Variants in KLHL1 observed in about 807,000 individuals in gnomAD.
KLHL1 encodes the protein kelch-like protein 1.
In KLHL1, 47 loss-of-function variants were observed where a neutral mutation model predicts 77.7. The ratio of observed to expected loss-of-function variants is 0.60; its 90% confidence interval spans 0.48 to 0.77. The LOEUF (loss-of-function observed/expected upper bound fraction) is 0.77, where lower values mean the gene tolerates loss of function less well. KLHL1 is among the 30% of genes least tolerant of loss of function. The pLI, the probability that KLHL1 is intolerant of heterozygous loss-of-function variation, is 0.00. For synonymous variants in KLHL1, 360 were observed against 325.2 expected (o/e 1.11, Z -1.15); for missense variants, 925 against 910.8 (o/e 1.02, Z -0.20).
chr13:69,833,854 TATAC>T lies in KLHL1; in HGVS notation c.1414+5118_1414+5121del, dbSNP rs763446244. Among the ~76,000 whole-genome samples the T allele has an allele frequency of 8.7e-3, 1,241 of 142,402 alleles. 17 individuals carry two copies. Among genetic ancestry groups the T allele is most frequent in the African/African-American group, 0.023 (813 of 35,736 alleles). 93.4% of individuals were successfully genotyped at this position (142,402 alleles called of 152,430 possible). A position where few individuals can be genotyped will look rare whatever the true frequency, so the allele number is the denominator to read the frequency against. On this transcript the variant is annotated intron_variant, in intron 6 of 10. Transcript: ENST00000377844. ...ATACATATATATATACACACACATA[TATAC>T]ACACACACACACACACACACATATG... is the stretch of plus-strand genomic sequence containing the variant.
intron 2 of KLHL1, among the ~76,000 whole-genome samples, chr13:69,964,803 A>G (rs1884165801): frequency 6.6e-6 from 1 of 152,072 alleles, no homozygotes; most frequent in Non-Finnish European, 1.5e-5. Flanking sequence ...TGAATTATTT[A>G]TGATAGTTAC....
rs146420977 is a variant in KLHL1 at position 70,016,364 on chromosome 13, C to A, written c.498-40562G>T. Among the ~76,000 whole-genome samples, 79 of 152,346 alleles carry A rather than the reference C, an allele frequency of 5.2e-4. 2 individuals carry two copies. The East Asian group carries it at 0.013, about 24-fold the overall frequency. On this transcript the variant is annotated intron_variant, in intron 1 of 10. Coordinates refer to ENST00000377844, the MANE Select transcript of KLHL1 (RefSeq NM_020866.3). ...CCAGGGACATCTGCAGCAGCCCAGC[C>A]CAGACTCTGGACCAGGACGAGGGAA...
At chr13:69,926,081 A>G (rs959440527) in intron 4 of KLHL1, among the ~76,000 whole-genome samples, 5 of 152,226 alleles carry the variant, frequency 3.3e-5, no homozygotes, top group Non-Finnish European at 5.9e-5. Context: ...CTATAGTTGT[A>G]AATATTATCC....
chr13:69,785,282 G>C (rs369955860), intron 7 of KLHL1, among the ~76,000 whole-genome samples: 2 of 152,100 alleles, frequency 1.3e-5, no homozygotes, highest in African/African-American at 4.8e-5. Context: ...AAATGTAAAA[G>C]AATAGAAATT....
chr13:70,053,900 C>A (rs866152558), intron 1 of KLHL1, among the ~76,000 whole-genome samples: 1 of 152,086 alleles, frequency 6.6e-6, no homozygotes, highest in African/African-American at 2.4e-5. Flanking sequence ...AATGCGTCTA[C>A]CTACTTTCTT....
At chr13:69,806,962 C>T (rs1473668655) in intron 6 of KLHL1, among the ~76,000 whole-genome samples, 1 of 152,172 alleles carries the variant, frequency 6.6e-6, no homozygotes, top group African/African-American at 2.4e-5. Context: ...ACCATACACT[C>T]CACAGCTTCT....
At chr13:69,763,963 C>T (rs967718542) in intron 7 of KLHL1, among the ~76,000 whole-genome samples, 1 of 152,064 alleles carries the variant, frequency 6.6e-6, no homozygotes, top group Non-Finnish European at 1.5e-5. Context: ...TTCCTGTTTC[C>T]ACCTTACAAA....
At chr13:69,912,577 T>A (rs1283064347) in intron 4 of KLHL1, among the ~76,000 whole-genome samples, 1 of 152,132 alleles carries the variant, frequency 6.6e-6, no homozygotes, top group Non-Finnish European at 1.5e-5. Flanking sequence ...ATTAAAAGAT[T>A]CCTGACTGAT....
chr13:70,034,326 A>G (rs1180245111), intron 1 of KLHL1, among the ~76,000 whole-genome samples: 4 of 152,234 alleles, frequency 2.6e-5, no homozygotes, highest in Non-Finnish European at 5.9e-5. Context: ...TTGAAAAATA[A>G]AAACACAGAA....
At chr13:69,725,105 A>G (rs2137904226) in intron 8 of KLHL1, among the ~76,000 whole-genome samples, 1 of 152,270 alleles carries the variant, frequency 6.6e-6, no homozygotes. Flanking sequence ...TTTGCCCTGA[A>G]GGGAGACATT....
chr13:70,016,063 T>A (rs2137345195), intron 1 of KLHL1, among the ~76,000 whole-genome samples: 1 of 152,344 alleles, frequency 6.6e-6, no homozygotes, highest in Non-Finnish European at 1.5e-5. Flanking sequence ...ATTTCAGAAC[T>A]CAAACACATT....
Position 70,075,477 on chromosome 13 carries a change from A to G in KLHL1, c.497+31726T>C, listed in dbSNP as rs531375966. ...CTTTTTGTTAAAACTTATTTGCTCA[A>G]AAACAACTGAAGCAAATAACAATTA... On this transcript the variant is annotated intron_variant, in intron 1 of 10. Transcript: ENST00000377844. Among the ~76,000 whole-genome samples the G allele has an allele frequency of 3.4e-5, 5 of 149,142 alleles. No individual in the cohort carries two copies. In the East Asian group the frequency reaches 9.7e-4, roughly 29 times the overall value.
At chr13:69,920,905 A>C (rs1566403408) in intron 4 of KLHL1, among the ~76,000 whole-genome samples, 1 of 152,190 alleles carries the variant, frequency 6.6e-6, no homozygotes, top group Non-Finnish European at 1.5e-5. Context: ...TTAAATAAAA[A>C]ATACATAAGC....
chr13:69,733,122 TA>T (rs571847641), intron 8 of KLHL1, among the ~76,000 whole-genome samples: 8 of 152,182 alleles, frequency 5.3e-5, no homozygotes, highest in Admixed American at 3.3e-4. Context: ...GAATAACTGA[TA>T]AATGACTGTT....
Position 69,767,921 on chromosome 13 carries a change from T to C in KLHL1, c.1640-27365A>G, listed in dbSNP as rs1400892404. 3.3e-5 allele frequency among the ~76,000 whole-genome samples: 5 copies of C among 152,228 alleles called. No homozygotes were observed. In the East Asian group the frequency reaches 9.6e-4, roughly 29 times the overall value. ...GAGAAAATCTCATAATATGATGTAA[T>C]ATTTTAATCAATATCTGGCCTCAAA... On this transcript the variant is annotated intron_variant, in intron 7 of 10. Coordinates refer to ENST00000377844, the MANE Select transcript of KLHL1 (RefSeq NM_020866.3).
At chr13:69,892,821 G>T (rs1881476131) in intron 4 of KLHL1, among the ~76,000 whole-genome samples, 1 of 152,166 alleles carries the variant, frequency 6.6e-6, no homozygotes, top group African/African-American at 2.4e-5. Context: ...TGACTATTTT[G>T]TAGTAAAAGA....
chr13:70,040,832 C>A (rs900390031), intron 1 of KLHL1, among the ~76,000 whole-genome samples: 1 of 152,056 alleles, frequency 6.6e-6, no homozygotes, highest in Non-Finnish European at 1.5e-5. Context: ...GTCTTACCCC[C>A]ATTTTCACCA....
At chr13:70,013,993 A>G (rs1395853676) in intron 1 of KLHL1, among the ~76,000 whole-genome samples, 1 of 152,310 alleles carries the variant, frequency 6.6e-6, no homozygotes. Context: ...TTGGTGGCTA[A>G]TAAAAGCGTT....
chr13:70,094,898 G>A (rs1887750763), intron 1 of KLHL1, among the ~76,000 whole-genome samples: 1 of 152,080 alleles, frequency 6.6e-6, no homozygotes, highest in African/African-American at 2.4e-5. Flanking sequence ...CTAAGCTAGT[G>A]AAGGAAATTA....
Sources: allele counts gnomAD v4.1 joint callset (sites outside exome capture counted in the v4.1 genomes callset), GRCh38; gene constraint gnomAD v4.1.1; transcripts MANE v1.5; gene names NCBI Gene and HGNC (gene_info 2026-07-23, HGNC 2026-07-21).